CPQ: variants seen among roughly 807,000 people sequenced by gnomAD.
CPQ encodes the protein Ser-Met dipeptidase.
In CPQ, 37 loss-of-function variants were observed where a neutral mutation model predicts 45.7. The observed-to-expected ratio is 0.81, with a 90% CI of 0.62 to 1.07. The LOEUF (loss-of-function observed/expected upper bound fraction) is 1.07. Among genes scored for constraint, CPQ ranks in the 50% least tolerant of loss-of-function variants. The probability of loss-of-function intolerance (pLI) is 0.00; values close to 1 mark genes in which losing one functional copy is unlikely to be tolerated. For synonymous variants in CPQ, 186 were observed against 205.8 expected, an observed-to-expected ratio of 0.90 and a Z score of 0.82; for missense variants, 537 against 572.9, an observed-to-expected ratio of 0.94 and a Z score of 0.64.
At chr8:97,021,183 T>C (rs112475925) in intron 5 of CPQ, among the ~76,000 whole-genome samples, 2,960 of 152,238 alleles carry the variant, frequency 0.019, 93 homozygotes, top group African/African-American at 0.068. Flanking sequence ...CCCTTTATGA[T>C]TAAAACTCTC....
At chr8:96,998,573 A>C (rs1407179494) in intron 5 of CPQ, among the ~76,000 whole-genome samples, 8 of 151,972 alleles carry the variant, frequency 5.3e-5, no homozygotes, top group Non-Finnish European at 8.8e-5. Flanking sequence ...GAGTATTCAT[A>C]TTCCAAAAAG....
At chr8:97,130,270 A>G (rs1470041281) in intron 7 of CPQ, among the ~76,000 whole-genome samples, 1 of 152,138 alleles carries the variant, frequency 6.6e-6, no homozygotes, top group Admixed American at 6.5e-5. Flanking sequence ...TCCTGGTGTT[A>G]TTTATAAACT....
chr8:96,784,616 G>A (rs1212468558), intron 1 of CPQ, among the ~76,000 whole-genome samples: 1 of 152,086 alleles, frequency 6.6e-6, no homozygotes, highest in Non-Finnish European at 1.5e-5. Flanking sequence ...CTCTTTTCTT[G>A]ATTTATCCTT....
chr8:96,796,218 C>T (rs1281881421), intron 2 of CPQ, among the ~76,000 whole-genome samples: 2 of 152,010 alleles, frequency 1.3e-5, no homozygotes, highest in Non-Finnish European at 2.9e-5. Flanking sequence ...TGATATTTCC[C>T]TATTATTTTA....
intron 4 of CPQ, among the ~76,000 whole-genome samples, chr8:96,907,866 G>T (rs1812598692): frequency 2.0e-5 from 3 of 152,180 alleles, no homozygotes; most frequent in Non-Finnish European, 2.9e-5. Flanking sequence ...AATGTTGGCA[G>T]AAGTGCCAAT....
intron 6 of CPQ, among the ~76,000 whole-genome samples, chr8:97,040,821 C>A (rs1810107769): frequency 2.6e-5 from 4 of 152,176 alleles, no homozygotes; most frequent in Admixed American, 2.6e-4. Context: ...TCTGAGGGCT[C>A]TGTTCTGTTC....
chr8:96,974,876 G>GA (rs1813748411), intron 5 of CPQ, among the ~76,000 whole-genome samples: 1 of 151,938 alleles, frequency 6.6e-6, no homozygotes, highest in Non-Finnish European at 1.5e-5. Flanking sequence ...GTGCTAAGAG[G>GA]AAAGTTCATA....
intron 2 of CPQ, among the ~76,000 whole-genome samples, chr8:96,803,962 G>A (rs1811042440): frequency 6.6e-6 from 1 of 152,168 alleles, no homozygotes; most frequent in African/African-American, 2.4e-5. Flanking sequence ...ATACACAGAT[G>A]AGTCAAATGA....
intron 3 of CPQ, among the ~76,000 whole-genome samples, chr8:96,852,227 G>A (rs1375415824): frequency 6.6e-6 from 1 of 152,126 alleles, no homozygotes; most frequent in Non-Finnish European, 1.5e-5. Flanking sequence ...AGCTGGGATG[G>A]AAAAAGTGCA....
At chr8:97,024,405 A>G (rs1489179371) in intron 5 of CPQ, among the ~76,000 whole-genome samples, 1 of 152,060 alleles carries the variant, frequency 6.6e-6, no homozygotes, top group Non-Finnish European at 1.5e-5. Context: ...GAGTTTAAAA[A>G]ACAGTTTGTT....
intron 7 of CPQ, among the ~76,000 whole-genome samples, chr8:97,102,488 A>G (rs1358400671): frequency 6.6e-6 from 1 of 152,192 alleles, no homozygotes; most frequent in Non-Finnish European, 1.5e-5. Flanking sequence ...CAACATTGGC[A>G]ATAGTGCCTT....
chr8:97,121,960 A>C (rs1811710198), intron 7 of CPQ, among the ~76,000 whole-genome samples: 1 of 152,170 alleles, frequency 6.6e-6, no homozygotes, highest in Non-Finnish European at 1.5e-5. Flanking sequence ...CAAACTGAAG[A>C]TAAAATGAGG....
At chr8:96,682,671 T>C in intron 1 of CPQ, among the ~76,000 whole-genome samples, 1 of 152,252 alleles carries the variant, frequency 6.6e-6, no homozygotes, top group East Asian at 1.9e-4. Flanking sequence ...TCTTTCTGAA[T>C]TGATCCCTTC....
chr8:97,077,969 C>G (rs977610714), intron 7 of CPQ, among the ~76,000 whole-genome samples: 4 of 152,108 alleles, frequency 2.6e-5, no homozygotes, highest in African/African-American at 9.7e-5. Flanking sequence ...GGATAAATGC[C>G]TCATTCTTTC....
intron 3 of CPQ, among the ~76,000 whole-genome samples, chr8:96,837,914 G>A (rs983730052): frequency 4.3e-4 from 65 of 151,958 alleles, no homozygotes; most frequent in Non-Finnish European, 7.9e-4. Context: ...AATTACACAC[G>A]GAACAGCTCC....
intron 6 of CPQ, among the ~76,000 whole-genome samples, chr8:97,041,696 G>A (rs535176760): frequency 6.6e-6 from 1 of 152,082 alleles, no homozygotes; most frequent in African/African-American, 2.4e-5. Flanking sequence ...TAGCATGGAG[G>A]GTTGTTGAAT....
At chr8:96,756,192 A>C (rs1363967950) in intron 1 of CPQ, among the ~76,000 whole-genome samples, 1 of 151,948 alleles carries the variant, frequency 6.6e-6, no homozygotes, top group East Asian at 1.9e-4. Flanking sequence ...CCCAATTGTA[A>C]TTTTTTTCTT....
intron 1 of CPQ, among the ~76,000 whole-genome samples, chr8:96,739,005 T>G (rs1273357001): frequency 2.6e-5 from 4 of 151,612 alleles, no homozygotes; most frequent in African/African-American, 9.7e-5. Context: ...CAAATGGTAT[T>G]TCTAGTTCTA....
intron 5 of CPQ, among the ~76,000 whole-genome samples, chr8:96,973,652 A>G (rs1478872334): frequency 6.6e-6 from 1 of 152,196 alleles, no homozygotes; most frequent in South Asian, 2.1e-4. Context: ...GGAAAACCCC[A>G]TCAGATTAAC....
Sources: allele counts gnomAD v4.1 joint callset (sites outside exome capture counted in the v4.1 genomes callset), GRCh38; gene constraint gnomAD v4.1.1; transcripts MANE v1.5; gene names NCBI Gene and HGNC (gene_info 2026-07-23, HGNC 2026-07-21).